UMODL1: variants seen among roughly 807,000 people sequenced by gnomAD.
UMODL1 encodes uromodulin like 1.
In UMODL1, 128 loss-of-function variants were observed where a neutral mutation model predicts 136.3. The ratio of observed to expected loss-of-function variants is 0.94; its 90% CI spans 0.81 to 1.09. The LOEUF is 1.09. Ranked by LOEUF, UMODL1 falls within the 50% of genes least tolerant of loss-of-function variation. UMODL1 has a pLI of 0.00. For synonymous variants in UMODL1, 721 were observed against 720.0 expected (o/e 1.00, Z -0.02); for missense variants, 1,766 against 1,725.6 (o/e 1.02, Z -0.41).
At chr21:42,100,215 C>T (rs2066609958) in intron 7 of UMODL1, among the ~76,000 whole-genome samples, 1 of 152,150 alleles carries the variant, frequency 6.6e-6, no homozygotes, top group African/African-American at 2.4e-5. Flanking sequence ...TGACGTAGAG[C>T]CAGTGGGAGC....
Position 42,111,013 on chromosome 21 carries a change from C to T in UMODL1, c.1791C>T (p.Gly597=), listed in dbSNP as rs1384639838. The T allele has an allele frequency of 3.7e-6, 6 of 1,612,920 alleles. No homozygotes were observed. Among genetic ancestry groups the T allele is most frequent in the South Asian group, 1.1e-5 (1 of 90,826 alleles). Residue 597 remains glycine, a synonymous_variant, in exon 11 of 23, where the codon GGC becomes GGT. Coordinates refer to ENST00000408910, the MANE Select transcript of UMODL1 (RefSeq NM_001004416.3). ...CACCCAGTCCTGGGTACCCTCAGGG[C>T]ACCCCGGCAGCAGGCCAGGCCTGGA... ...TLSPSPGYPQ[G]TPAAGQAWTP...
rs987462032 is a variant in UMODL1 at position 42,123,225 on chromosome 21, G to T, written c.3147+75G>T. 2.7e-6 allele frequency: 4 copies of T among 1,489,988 alleles called. No individual in the cohort carries two copies. The allele number at this position is 1,489,988 out of a possible 1,614,324, so 92.3% of individuals were successfully genotyped here. On this transcript the variant is annotated intron_variant, in intron 17 of 22. Transcript: ENST00000408910. The surrounding 1 kb of genome is among the most constrained non-coding windows in gnomAD (Gnocchi z 4.4). ...TCTAGGTTACATGGGCCTCGATGTG[G>T]GAGGGCCAGGCAAGACTCTGCACCC...
chr21:42,071,883 C>CAAAAAA (rs71274595), intron 1 of UMODL1, among the ~76,000 whole-genome samples: 26,159 of 136,766 alleles, frequency 0.19, 3,123 homozygotes, highest in Non-Finnish European at 0.26. Context: ...CCATGTGTAC[C>CAAAAAA]AAAAAAAAAA....
At chr21:42,081,499 A>C (rs2066361767) in intron 2 of UMODL1, among the ~76,000 whole-genome samples, 1 of 152,244 alleles carries the variant, frequency 6.6e-6, no homozygotes, top group Admixed American at 6.5e-5. Context: ...TCAGCTGGCC[A>C]GCTCCAAGGG....
chr21:42,128,066 C>A (rs1194089158), intron 20 of UMODL1: 2 of 633,730 alleles, frequency 3.2e-6, no homozygotes, highest in Non-Finnish European at 5.8e-6. Flanking sequence ...AATGGCTGAG[C>A]TGAGTTCCTT....
chr21:42,091,048 G>T lies in UMODL1; in HGVS notation c.931+610G>T, dbSNP rs183945448. ...CACAGGGACTCTTCTTGCCAAGAGG[G>T]AATGGCTGGCTAACCGGCACAGAAT... On this transcript the variant is annotated intron_variant, in intron 6 of 22. Coordinates refer to ENST00000408910, the MANE Select transcript of UMODL1 (RefSeq NM_001004416.3). Among the ~76,000 whole-genome samples the T allele has an allele frequency of 3.1e-3, 474 of 152,318 alleles. 2 individuals are homozygous for T. The highest frequency in any genetic ancestry group is 5.5e-3 in the Non-Finnish European group (376 of 68,032).
chr21:42,073,553 G>T (rs886116518), intron 1 of UMODL1, among the ~76,000 whole-genome samples: 1 of 152,158 alleles, frequency 6.6e-6, no homozygotes, highest in African/African-American at 2.4e-5. Flanking sequence ...GAGTGGGGTC[G>T]CTGTGCAGCA....
rs779528447 is a variant in UMODL1 at position 42,085,414 on chromosome 21, TA to T, written c.603+3del. ...CACATGCGCCTTCTGCATTCCTTGG[TA>T]GGTGAGACAGACGGGGGCTGCCTGC... On this transcript the variant is annotated splice_donor_region_variant and intron_variant, in intron 4 of 22. Transcript: ENST00000408910. This position sits in a 1 kb window ranked among gnomAD's most constrained non-coding sequence, Gnocchi z 4.5. 1.2e-6 allele frequency: 2 copies of T among 1,613,752 alleles called. No homozygotes were observed. The highest frequency in any genetic ancestry group is 2.2e-5 in the South Asian group (2 of 91,070).
chr21:42,125,800 AG>A (rs2067045211), intron 17 of UMODL1, among the ~76,000 whole-genome samples: 1 of 152,114 alleles, frequency 6.6e-6, no homozygotes, highest in South Asian at 2.1e-4. Flanking sequence ...GGAGGGGCTG[AG>A]GGTGCAGGAC....
intron 11 of UMODL1, 171 bp from the exon 12 acceptor site, chr21:42,111,335 C>G (rs2066826116): frequency 6.2e-7 from 1 of 1,606,186 alleles, no homozygotes; most frequent in East Asian, 2.2e-5. Flanking sequence ...GAGCCCCAGC[C>G]AGGGGAGCCC....
At chr21:42,108,185 G>C (rs898118786) in intron 9 of UMODL1, 17 of 436,688 alleles carry the variant, frequency 3.9e-5, no homozygotes, top group African/African-American at 3.0e-4. Context: ...GACATCAGGT[G>C]CTTGGTGGTT....
At chr21:42,109,789 G>A (rs2066792118) in intron 10 of UMODL1, 90 bp downstream of exon 10, 12 of 1,415,896 alleles carry the variant, frequency 8.5e-6, no homozygotes, top group Non-Finnish European at 1.2e-5. Flanking sequence ...TAGGCACAGG[G>A]CTGAGGACCT....
At chr21:42,134,523 C>T (rs1406045446) in intron 21 of UMODL1, among the ~76,000 whole-genome samples, 4 of 152,286 alleles carry the variant, frequency 2.6e-5, no homozygotes, top group African/African-American at 7.2e-5. Context: ...GAGACTGAGG[C>T]GGTGGCTGAG....
chr21:42,096,557 C>T (rs1013227571), intron 6 of UMODL1, among the ~76,000 whole-genome samples: 4 of 152,180 alleles, frequency 2.6e-5, no homozygotes, highest in East Asian at 3.8e-4. Context: ...TAACTCTGCT[C>T]CGTTCAGAAG....
At position 42,090,401 on chromosome 21, in the gene UMODL1, A is replaced by G; in HGVS notation, c.894A>G (p.Pro298=). The change falls in exon 6 of 23, where the codon CCA becomes CCG. Residue 298 remains proline (P), a synonymous_variant. Transcript: ENST00000408910. ...SYWCVCHQEA[P]ATSPRKLNLE... is the part of the protein sequence containing the mutation. ...GGTGCGTCTGTCACCAGGAAGCTCC[A>G]GCCACGTCTCCACGGAAGCTGAACC... is the stretch of plus-strand genomic sequence containing the variant. 1 of 1,614,064 alleles carries G rather than the reference A, an allele frequency of 6.2e-7. No individual in the cohort carries two copies. The highest frequency in any genetic ancestry group is 1.3e-5 in the African/African-American group (1 of 75,032).
chr21:42,121,046 C>T, intron 15 of UMODL1, 41 bp from the exon 16 acceptor site: 4 of 1,588,204 alleles, frequency 2.5e-6, no homozygotes, highest in Non-Finnish European at 3.4e-6. Flanking sequence ...CCACAAGCCC[C>T]CAGGGATGTT....
At chr21:42,072,068 A>C (rs575300056) in intron 1 of UMODL1, among the ~76,000 whole-genome samples, 8 of 114,764 alleles carry the variant, frequency 7.0e-5, no homozygotes, top group Middle Eastern at 4.0e-3. Flanking sequence ...AACAAACAAA[A>C]AAAGCCACAA....
Position 42,104,865 on chromosome 21 carries a change from C to T in UMODL1, c.1519+778C>T, listed in dbSNP as rs79747964. Reference sequence around the variant, plus strand: ...AGAGACAGAGAGATAAAGAGAGAGACAGAAAGGCACGGAGACCAGGTTCTT... The same window carrying T: ...AGAGACAGAGAGATAAAGAGAGAGATAGAAAGGCACGGAGACCAGGTTCTT... On this transcript the variant is annotated intron_variant, in intron 9 of 22. Transcript: ENST00000408910. Among the ~76,000 whole-genome samples the T allele has an allele frequency of 9.2e-4, 140 of 152,334 alleles. 5 individuals carry two copies. In the East Asian group the frequency reaches 0.019, roughly 21 times the overall value.
Position 42,098,915 on chromosome 21 carries a change from T to A in UMODL1, c.932-11T>A. 1 of 1,613,600 alleles carries A rather than the reference T, an allele frequency of 6.2e-7. No individual in the cohort carries two copies. Among genetic ancestry groups the A allele is most frequent in the Admixed American group, 1.7e-5 (1 of 60,014 alleles). On this transcript the variant is annotated splice_polypyrimidine_tract_variant and intron_variant, in intron 6 of 22. Transcript: ENST00000408910. ...ACCCTTTGCTCATCTTCTCTGTCTGTGCTTTCGTAGATTGTCCTCCAGTCA... is the reference window on the plus strand; with the variant it reads ...ACCCTTTGCTCATCTTCTCTGTCTGAGCTTTCGTAGATTGTCCTCCAGTCA...
Sources: allele counts gnomAD v4.1 joint callset (sites outside exome capture counted in the v4.1 genomes callset), GRCh38; gene constraint gnomAD v4.1.1; non-coding constraint Gnocchi (gnomAD v3.1); transcripts MANE v1.5; gene names NCBI Gene and HGNC (gene_info 2026-07-23, HGNC 2026-07-21).